Variants in CHD9 observed in about 807,000 individuals in gnomAD.
CHD9 encodes the protein chromodomain helicase DNA binding protein 9.
CHD9 carries 77 observed loss-of-function variants against 316.1 expected under a neutral mutation model. That is an observed-to-expected ratio of 0.24 (90% CI 0.20 to 0.29). CHD9 has a LOEUF of 0.29. Ranked by LOEUF, CHD9 falls within the 10% of genes least tolerant of loss-of-function variation. The probability of loss-of-function intolerance (pLI) is 1.00; values close to 1 mark genes in which losing one functional copy is unlikely to be tolerated. For missense variants in CHD9, 2,763 were observed against 3,438.1 expected (o/e 0.80, Z 4.91); for synonymous variants, 1,129 against 1,158.3 (o/e 0.97, Z 0.51).
In CHD9 at chr16:53,245,672, T is replaced by G; in HGVS notation, c.3276T>G (p.Pro1092=). ...LKEDVEKKLA[P]KEETIIEVEL... ...AAGATGTGGAAAAGAAGTTGGCACC[T>G]AAAGAAGAAACCATCATTGAAGTAG... Residue 1092 remains proline, a synonymous_variant, in exon 15 of 39, where the codon CCT becomes CCG. Transcript: ENST00000447540. This position sits in a 1 kb window ranked among gnomAD's most constrained non-coding sequence, Gnocchi z 4.1. The G allele has an allele frequency of 6.2e-7, 1 of 1,609,370 alleles. No individual in the cohort carries two copies.
intron 1 of CHD9, among the ~76,000 whole-genome samples, chr16:53,075,404 A>G (rs574796920): frequency 6.6e-6 from 1 of 152,060 alleles, no homozygotes; most frequent in Non-Finnish European, 1.5e-5. Context: ...TTGAAATGTG[A>G]GGTCATGAGA....
At chr16:53,083,673 C>T (rs186151749) in intron 1 of CHD9, among the ~76,000 whole-genome samples, 2 of 152,246 alleles carry the variant, frequency 1.3e-5, no homozygotes, top group East Asian at 3.9e-4. Context: ...TCTTTTCTCT[C>T]ACAGAGATGA....
At chr16:53,211,929 T>C (rs976538330) in intron 3 of CHD9, among the ~76,000 whole-genome samples, 1 of 152,212 alleles carries the variant, frequency 6.6e-6, no homozygotes, top group African/African-American at 2.4e-5. Flanking sequence ...AAGAATCATT[T>C]AAGTAAAGTT....
At chr16:53,096,328 C>T (rs1170002725) in intron 1 of CHD9, among the ~76,000 whole-genome samples, 2 of 152,092 alleles carry the variant, frequency 1.3e-5, no homozygotes, top group African/African-American at 4.8e-5. Flanking sequence ...CAACACAATG[C>T]CGGGTACCTC....
At chr16:53,160,007 C>A (rs770582454) in intron 2 of CHD9, among the ~76,000 whole-genome samples, 5 of 152,180 alleles carry the variant, frequency 3.3e-5, no homozygotes, top group Non-Finnish European at 5.9e-5. Context: ...TATAAACCCT[C>A]CATGTCCCCC....
intron 1 of CHD9, among the ~76,000 whole-genome samples, chr16:53,127,631 C>T (rs2039028141): frequency 6.6e-6 from 1 of 152,006 alleles, no homozygotes; most frequent in Non-Finnish European, 1.5e-5. Context: ...GGGGGGGAAT[C>T]CCTTTCTCAA....
intron 22 of CHD9, among the ~76,000 whole-genome samples, chr16:53,270,105 A>G (rs1420077082): frequency 6.6e-6 from 1 of 151,750 alleles, no homozygotes; most frequent in Non-Finnish European, 1.5e-5. Flanking sequence ...CCTGGGCTCA[A>G]GTGATCCTCC....
intron 1 of CHD9, among the ~76,000 whole-genome samples, chr16:53,063,111 G>A (rs1159001468): frequency 1.3e-5 from 2 of 152,060 alleles, no homozygotes; most frequent in Admixed American, 1.3e-4. Flanking sequence ...CTAAGTGCTG[G>A]ATGCTCTTCT....
rs908866401 is a variant in CHD9 at position 53,171,715 on chromosome 16, GGT to G, written c.1452+14176_1452+14177del. ...ACTACCAAAAAATGTAGCCAAGTGT[GGT>G]GATACGCACCTGTAGTCCCAGCTGC... On this transcript the variant is annotated intron_variant, in intron 2 of 38. Transcript: ENST00000447540. 2.5e-4 allele frequency among the ~76,000 whole-genome samples: 38 copies of G among 152,020 alleles called. 2 individuals carry two copies. The highest frequency in any genetic ancestry group is 9.2e-4 in the African/African-American group (38 of 41,448).
At chr16:53,257,851 C>T (rs2050744905) in intron 19 of CHD9, among the ~76,000 whole-genome samples, 1 of 151,966 alleles carries the variant, frequency 6.6e-6, no homozygotes, top group African/African-American at 2.4e-5. Context: ...TAGATGTACC[C>T]CGGCTCTAGT....
At chr16:53,057,427 G>C (rs1235680594) in intron 1 of CHD9, among the ~76,000 whole-genome samples, 2 of 151,976 alleles carry the variant, frequency 1.3e-5, no homozygotes, top group African/African-American at 4.8e-5. Context: ...GCCGAGGTGG[G>C]TGGATACCTG....
At chr16:53,147,115 T>C (rs2040696485) in intron 1 of CHD9, among the ~76,000 whole-genome samples, 1 of 152,052 alleles carries the variant, frequency 6.6e-6, no homozygotes, top group Admixed American at 6.5e-5. Context: ...TAAGATAATA[T>C]GTAAACTATA....
intron 10 of CHD9, among the ~76,000 whole-genome samples, chr16:53,232,509 G>C (rs1021660570): frequency 2.0e-5 from 3 of 152,142 alleles, no homozygotes; most frequent in African/African-American, 7.2e-5. Flanking sequence ...GGGCTAGTCT[G>C]TCATGGTTAA....
At chr16:53,114,634 C>T (rs1446855397) in intron 1 of CHD9, among the ~76,000 whole-genome samples, 2 of 152,034 alleles carry the variant, frequency 1.3e-5, no homozygotes, top group African/African-American at 4.8e-5. Flanking sequence ...GTCACCCAGG[C>T]TGGAGTGCAG....
intron 12 of CHD9, among the ~76,000 whole-genome samples, chr16:53,239,110 AATG>A (rs979912878): frequency 1.1e-4 from 16 of 152,070 alleles, no homozygotes; most frequent in Non-Finnish European, 1.8e-4. Context: ...ATCTTTTAGG[AATG>A]ATGATTTCAG....
chr16:53,185,174 G>A (rs1420886839), intron 2 of CHD9, among the ~76,000 whole-genome samples: 1 of 152,188 alleles, frequency 6.6e-6, no homozygotes, highest in Non-Finnish European at 1.5e-5. Context: ...GAACAGTTTG[G>A]AGGTCTCAGA....
At chr16:53,241,053 C>T (rs565155254) in intron 12 of CHD9, among the ~76,000 whole-genome samples, 5 of 152,054 alleles carry the variant, frequency 3.3e-5, no homozygotes, top group Non-Finnish European at 7.4e-5. Flanking sequence ...ATAATTTATA[C>T]CTATTTTAAT....
intron 1 of CHD9, among the ~76,000 whole-genome samples, chr16:53,126,586 C>CT (rs200069064): frequency 0.046 from 5,357 of 117,608 alleles, 409 homozygotes; most frequent in African/African-American, 0.15. Flanking sequence ...TTTCAGGATC[C>CT]TTTTTTTTTT....
chr16:53,213,354 G>C (rs2046480897), intron 3 of CHD9, among the ~76,000 whole-genome samples: 1 of 152,102 alleles, frequency 6.6e-6, no homozygotes, highest in Non-Finnish European at 1.5e-5. Flanking sequence ...TTATGATCTT[G>C]GCAGTCAGGT....
Sources: gnomAD v4.1 joint callset for allele counts (sites outside exome capture counted in the v4.1 genomes callset) on GRCh38, gnomAD v4.1.1 for gene constraint, Gnocchi (gnomAD v3.1) non-coding constraint, MANE v1.5 for transcripts, NCBI Gene and HGNC (gene_info 2026-07-23, HGNC 2026-07-21) for gene names.